The following RELN variants were observed in gnomAD, a reference collection of about 807,000 sequenced individuals.
The protein encoded by RELN is reelin.
A neutral mutation model predicts 427.6 loss-of-function variants in RELN; 108 were observed. The observed-to-expected ratio is 0.25, with a 90% CI of 0.22 to 0.30. The LOEUF (loss-of-function observed/expected upper bound fraction) is 0.30, where lower values mean the gene tolerates loss of function less well. Among genes scored for constraint, RELN ranks in the 10% least tolerant of loss-of-function variants. The pLI is 1.00. For synonymous variants in RELN, 1,524 were observed against 1,513.4 expected (o/e 1.01, Z -0.16); for missense variants, 3,715 against 4,302.8 (o/e 0.86, Z 3.82).
At chr7:103,531,142 C>CAA (rs1829929000) in intron 46 of RELN, among the ~76,000 whole-genome samples, 1 of 152,198 alleles carries the variant, frequency 6.6e-6, no homozygotes, top group African/African-American at 2.4e-5. Context: ...TAAATCTTGA[C>CAA]AATGTTCTCA....
At chr7:103,800,205 T>C (rs1249228418) in intron 3 of RELN, among the ~76,000 whole-genome samples, 2 of 152,166 alleles carry the variant, frequency 1.3e-5, no homozygotes, top group South Asian at 2.1e-4. Context: ...TTGTCCCTTT[T>C]TGCAGATGAC....
chr7:103,764,977 C>T (rs936209081), intron 4 of RELN, among the ~76,000 whole-genome samples: 1 of 151,586 alleles, frequency 6.6e-6, no homozygotes, highest in African/African-American at 2.4e-5. Context: ...TAGTTGGCAC[C>T]CTAGTGGGTT....
chr7:103,557,847 T>A, intron 37 of RELN, 118 bp downstream of exon 37: 1 of 652,550 alleles, frequency 1.5e-6, no homozygotes, highest in East Asian at 2.8e-5. Flanking sequence ...TGTATACTAA[T>A]TTATGTTAGC....
intron 8 of RELN, among the ~76,000 whole-genome samples, chr7:103,720,024 G>GTA (rs1790036333): frequency 1.3e-5 from 2 of 151,720 alleles, no homozygotes; most frequent in East Asian, 1.9e-4. Context: ...TTACATTTAT[G>GTA]TATATATATG....
At chr7:103,745,444 G>A (rs892558618) in intron 6 of RELN, among the ~76,000 whole-genome samples, 1 of 148,370 alleles carries the variant, frequency 6.7e-6, no homozygotes, top group Non-Finnish European at 1.5e-5. Flanking sequence ...GGAAATAAAG[G>A]GTATTCAATT....
Position 103,523,450 on chromosome 7 carries a change from G to A in RELN, c.7431C>T (p.Ile2477=), listed in dbSNP as rs775529885. 6.8e-6 allele frequency: 11 copies of A among 1,613,838 alleles called. No individual in the cohort carries two copies. In the Admixed American group the frequency reaches 1.0e-4, roughly 15 times the overall value. The part of the protein sequence containing the change: ...QQTWAIDNVY[I]GDGCIDMCSG... ...TGCACATGTCTATGCAGCCATCCCC[G>A]ATATAGACATTATCTATTGCCCATG... Residue 2477 remains isoleucine (I), a synonymous_variant, in exon 47 of 65, where the codon ATC becomes ATT. Coordinates refer to ENST00000428762, the MANE Select transcript of RELN (RefSeq NM_005045.4).
At chr7:103,614,746 C>T (rs1318050931) in intron 20 of RELN, among the ~76,000 whole-genome samples, 3 of 152,170 alleles carry the variant, frequency 2.0e-5, no homozygotes, top group Non-Finnish European at 4.4e-5. Context: ...TAGAGCTGAA[C>T]GCATTTCTAA....
At chr7:103,918,364 C>T (rs1255234581) in intron 1 of RELN, among the ~76,000 whole-genome samples, 1 of 152,088 alleles carries the variant, frequency 6.6e-6, no homozygotes, top group East Asian at 1.9e-4. Flanking sequence ...CAAAACATAC[C>T]TATAAGAGGG....
intron 6 of RELN, among the ~76,000 whole-genome samples, chr7:103,731,395 C>T (rs1471987072): frequency 1.3e-5 from 2 of 152,078 alleles, no homozygotes; most frequent in Non-Finnish European, 2.9e-5. Flanking sequence ...GCAACCACCT[C>T]ACAAAGGCTT....
chr7:103,850,134 T>C (rs13223833), intron 2 of RELN, among the ~76,000 whole-genome samples: 21,233 of 152,186 alleles, frequency 0.14, 1,825 homozygotes, highest in South Asian at 0.33. Flanking sequence ...ACAAAATATA[T>C]CATAGGTTCA....
chr7:103,580,299 A>T (rs574823777), intron 28 of RELN, among the ~76,000 whole-genome samples: 46 of 152,346 alleles, frequency 3.0e-4, no homozygotes, highest in African/African-American at 1.0e-3. Context: ...TAAAGTAGAA[A>T]CATATTTACT....
At chr7:103,679,438 T>G (rs916800173) in intron 11 of RELN, among the ~76,000 whole-genome samples, 1 of 152,192 alleles carries the variant, frequency 6.6e-6, no homozygotes, top group Non-Finnish European at 1.5e-5. Context: ...ATGAGAGTGG[T>G]ACGGTGCTTT....
At chr7:103,851,907 T>C (rs148482291) in intron 2 of RELN, among the ~76,000 whole-genome samples, 49 of 152,308 alleles carry the variant, frequency 3.2e-4, no homozygotes, top group Middle Eastern at 3.4e-3. Context: ...GAGCCCTCTG[T>C]GTTCTTTATT....
In RELN at chr7:103,966,376, C is replaced by T. The variant is rs182459303; in HGVS notation, c.226+22755G>A. Among the ~76,000 whole-genome samples, 6 of 152,264 alleles carry T rather than the reference C, an allele frequency of 3.9e-5. No individual in the cohort carries two copies. The East Asian group carries it at 1.2e-3, about 29-fold the overall frequency. On this transcript the variant is annotated intron_variant, in intron 1 of 64. Coordinates refer to ENST00000428762, the MANE Select transcript of RELN (RefSeq NM_005045.4). Reference sequence around the variant, plus strand: ...CGAAACAATTAGATACATGGATGAACCTAATGTGCACATCTTTGAGATGTG... The same window carrying T: ...CGAAACAATTAGATACATGGATGAATCTAATGTGCACATCTTTGAGATGTG...
chr7:103,792,693 A>G (rs1469355701), intron 3 of RELN, among the ~76,000 whole-genome samples: 1 of 152,152 alleles, frequency 6.6e-6, no homozygotes, highest in African/African-American at 2.4e-5. Flanking sequence ...ATATACTAAA[A>G]TTTTTATAAT....
At chr7:103,502,928 AC>A in intron 52 of RELN, 87 bp downstream of exon 52, 1 of 1,097,334 alleles carries the variant, frequency 9.1e-7, no homozygotes, top group Non-Finnish European at 1.4e-6. Context: ...ACCCACAAAT[AC>A]ACATAATTTC....
intron 20 of RELN, among the ~76,000 whole-genome samples, chr7:103,617,193 G>C (rs554627235): frequency 3.7e-4 from 56 of 152,176 alleles, no homozygotes; most frequent in Non-Finnish European, 7.2e-4. Flanking sequence ...GCCTTTTCAT[G>C]GACTTTGCCC....
chr7:103,780,172 G>A (rs10251365), intron 3 of RELN, among the ~76,000 whole-genome samples: 49,821 of 152,048 alleles, frequency 0.33, 8,180 homozygotes, highest in East Asian at 0.44. Context: ...GCAACTCCTT[G>A]CACTTTGTCT....
chr7:103,666,590 T>G (rs1833272759), intron 11 of RELN, among the ~76,000 whole-genome samples: 1 of 152,190 alleles, frequency 6.6e-6, no homozygotes, highest in Non-Finnish European at 1.5e-5. Flanking sequence ...TGTTGTGAGC[T>G]CAACTTTAGT....
Sources: allele counts gnomAD v4.1 joint callset (sites outside exome capture counted in the v4.1 genomes callset), GRCh38; gene constraint gnomAD v4.1.1; transcripts MANE v1.5; gene names NCBI Gene and HGNC (gene_info 2026-07-23, HGNC 2026-07-21).